Variants in CNTNAP5 observed in about 807,000 individuals in gnomAD.
CNTNAP5 encodes the protein contactin associated protein family member 5.
A neutral mutation model predicts 150.2 loss-of-function variants in CNTNAP5; 72 were observed. The ratio of observed to expected loss-of-function variants is 0.48; its 90% CI spans 0.40 to 0.58. The LOEUF is 0.58. CNTNAP5 is among the 20% of genes least tolerant of loss of function. The probability of loss-of-function intolerance (pLI) is 0.00; values close to 1 mark genes in which losing one functional copy is unlikely to be tolerated. For synonymous variants in CNTNAP5, 672 were observed against 619.8 expected, an observed-to-expected ratio of 1.08 and a Z score of -1.25; for missense variants, 1,636 against 1,626.2, an observed-to-expected ratio of 1.01 and a Z score of -0.10.
rs181934595 is a variant in CNTNAP5, at chr2:124,770,611, G to A, written c.2534-2188G>A. ...AATTTGGGGATGTGCAGGGCTGCCA[G>A]GTGGCACTGGTGATCTGAATAAGAA... is the stretch of plus-strand genomic sequence containing the variant. On this transcript the variant is annotated intron_variant, in intron 16 of 23. Transcript: ENST00000682447. Among the ~76,000 whole-genome samples, 410 of 152,276 alleles carry A rather than the reference G, an allele frequency of 2.7e-3. 3 individuals carry two copies. Among genetic ancestry groups the A allele is most frequent in the Middle Eastern group, 0.014 (4 of 294 alleles).
At chr2:124,310,410 TTAA>T (rs1688796903) in intron 3 of CNTNAP5, among the ~76,000 whole-genome samples, 1 of 152,120 alleles carries the variant, frequency 6.6e-6, no homozygotes. Context: ...TTCCCCTCTA[TTAA>T]TAATAACTTT....
chr2:124,700,986 G>A (rs1048552507), intron 13 of CNTNAP5, among the ~76,000 whole-genome samples: 8 of 151,906 alleles, frequency 5.3e-5, no homozygotes, highest in African/African-American at 1.7e-4. Flanking sequence ...ACATAGTTAC[G>A]CATTTTTTTT....
At chr2:124,738,188 A>G (rs531914988) in intron 13 of CNTNAP5, among the ~76,000 whole-genome samples, 34 of 152,164 alleles carry the variant, frequency 2.2e-4, no homozygotes, top group Non-Finnish European at 4.4e-4. Flanking sequence ...GGCTTAACAC[A>G]ATAGAGGTTT....
In CNTNAP5 at chr2:124,178,646, G is replaced by C. The variant is rs141314265; in HGVS notation, c.83-43059G>C. Among the ~76,000 whole-genome samples, 6 of 152,298 alleles carry C rather than the reference G, an allele frequency of 3.9e-5. No homozygotes were observed. In the East Asian group the frequency reaches 1.2e-3, roughly 29 times the overall value. ...GACTACCGAGTCAACTTTGATCTCA[G>C]TTCCTCAGAGGTAGTGCTCATTCTC... On this transcript the variant is annotated intron_variant, in intron 1 of 23. Coordinates refer to ENST00000682447, the MANE Select transcript of CNTNAP5 (RefSeq NM_001367498.1).
intron 1 of CNTNAP5, among the ~76,000 whole-genome samples, chr2:124,062,658 G>T (rs2104655153): frequency 6.6e-6 from 1 of 152,246 alleles, no homozygotes; most frequent in Middle Eastern, 3.4e-3. Flanking sequence ...CTTATGACAG[G>T]TGTCATAAGA....
chr2:124,390,001 TA>T, intron 3 of CNTNAP5, among the ~76,000 whole-genome samples: 1 of 151,944 alleles, frequency 6.6e-6, no homozygotes, highest in Non-Finnish European at 1.5e-5. Context: ...ACAATAATAA[TA>T]ATAATTTAAA....
intron 19 of CNTNAP5, among the ~76,000 whole-genome samples, chr2:124,824,639 G>A (rs566963139): frequency 1.3e-5 from 2 of 152,122 alleles, no homozygotes; most frequent in Non-Finnish European, 2.9e-5. Context: ...GATGCTCATG[G>A]CAACTCCCAT....
Position 124,172,595 on chromosome 2 carries a change from G to C in CNTNAP5, c.83-49110G>C, listed in dbSNP as rs77449472. Among the ~76,000 whole-genome samples the C allele has an allele frequency of 2.8e-3, 432 of 152,168 alleles. 4 individuals are homozygous for C. Among genetic ancestry groups the C allele is most frequent in the East Asian group, 0.022 (114 of 5,158 alleles). ...GCCCAGCATTTTTTTAGTATTTTTAGTACAGACAGGATCTCGCCATGTTGC... is the reference window on the plus strand; with the variant it reads ...GCCCAGCATTTTTTTAGTATTTTTACTACAGACAGGATCTCGCCATGTTGC... On this transcript the variant is annotated intron_variant, in intron 1 of 23. Coordinates refer to ENST00000682447, the MANE Select transcript of CNTNAP5 (RefSeq NM_001367498.1).
chr2:124,581,890 C>T (rs1442716395), intron 11 of CNTNAP5, among the ~76,000 whole-genome samples: 1 of 152,136 alleles, frequency 6.6e-6, no homozygotes, highest in African/African-American at 2.4e-5. Context: ...ATTGCAGTGT[C>T]GATGGTACCT....
chr2:124,191,391 G>T (rs773585240), intron 1 of CNTNAP5, among the ~76,000 whole-genome samples: 38 of 152,114 alleles, frequency 2.5e-4, no homozygotes, highest in Admixed American at 1.4e-3. Context: ...AAGAGGTTTT[G>T]CTTGTTTGGT....
chr2:124,885,954 A>T (rs1024768383), intron 21 of CNTNAP5, among the ~76,000 whole-genome samples: 22 of 151,956 alleles, frequency 1.4e-4, no homozygotes, highest in African/African-American at 5.3e-4. Context: ...TTATTTAAAT[A>T]CCTGTTTTTA....
intron 11 of CNTNAP5, among the ~76,000 whole-genome samples, chr2:124,579,960 A>G (rs1011636441): frequency 6.6e-6 from 1 of 152,274 alleles, no homozygotes; most frequent in Non-Finnish European, 1.5e-5. Context: ...TAAATGTGAC[A>G]TAATCAAACT....
chr2:124,811,669 C>A (rs1212090552), intron 19 of CNTNAP5, among the ~76,000 whole-genome samples: 1 of 134,568 alleles, frequency 7.4e-6, no homozygotes, highest in Admixed American at 8.2e-5. Flanking sequence ...AGGTCAGGCG[C>A]GGTGGCTCAT....
At chr2:124,558,741 C>T (rs529624893) in intron 10 of CNTNAP5, among the ~76,000 whole-genome samples, 9 of 152,280 alleles carry the variant, frequency 5.9e-5, no homozygotes, top group East Asian at 1.9e-4. Flanking sequence ...AACTTCAGCC[C>T]GGCCCCAGTT....
At chr2:124,554,933 A>C (rs1431361075) in intron 10 of CNTNAP5, among the ~76,000 whole-genome samples, 1 of 152,180 alleles carries the variant, frequency 6.6e-6, no homozygotes, top group Non-Finnish European at 1.5e-5. Context: ...TCATTGTTAG[A>C]CTTAATGTTT....
intron 3 of CNTNAP5, among the ~76,000 whole-genome samples, chr2:124,245,628 T>C (rs1204938077): frequency 1.3e-5 from 2 of 151,490 alleles, no homozygotes; most frequent in Non-Finnish European, 2.9e-5. Flanking sequence ...TGTGTGTATA[T>C]ATATGTGTGT....
At chr2:124,703,537 G>A (rs962388787) in intron 13 of CNTNAP5, among the ~76,000 whole-genome samples, 39 of 152,262 alleles carry the variant, frequency 2.6e-4, no homozygotes, top group Non-Finnish European at 5.1e-4. Flanking sequence ...CAAACACCTA[G>A]ATGCTGCCTA....
chr2:124,185,179 A>T (rs946781398), intron 1 of CNTNAP5, among the ~76,000 whole-genome samples: 1 of 151,756 alleles, frequency 6.6e-6, no homozygotes, highest in African/African-American at 2.4e-5. Context: ...CCAAGCTGAA[A>T]CTCCACATTT....
At chr2:124,874,315 G>T (rs1481006195) in intron 21 of CNTNAP5, among the ~76,000 whole-genome samples, 1 of 151,990 alleles carries the variant, frequency 6.6e-6, no homozygotes, top group Non-Finnish European at 1.5e-5. Context: ...TAATCCATTT[G>T]GAAGAGATAA....
Sources: gnomAD v4.1 joint callset for allele counts (sites outside exome capture counted in the v4.1 genomes callset) on GRCh38, gnomAD v4.1.1 for gene constraint, MANE v1.5 for transcripts, NCBI Gene and HGNC (gene_info 2026-07-23, HGNC 2026-07-21) for gene names.